MRPL46: variants seen among roughly 807,000 people sequenced by gnomAD.
MRPL46 encodes the protein large ribosomal subunit protein mL46.
Under a neutral mutation model 31.0 loss-of-function variants are expected in MRPL46, and 26 were observed. The observed-to-expected ratio is 0.84, with a 90% confidence interval of 0.61 to 1.16. MRPL46 has a LOEUF of 1.16. MRPL46 is among the 50% of genes most tolerant of loss of function. MRPL46 has a pLI of 0.00. For synonymous variants in MRPL46, 159 were observed against 141.3 expected, an observed-to-expected ratio of 1.13 and a Z score of -0.89; for missense variants, 395 against 340.0, an observed-to-expected ratio of 1.16 and a Z score of -1.27.
chr15:88,462,014 A>G (rs2142196085), intron 3 of MRPL46: 1 of 152,376 alleles, frequency 6.6e-6, no homozygotes, highest in Admixed American at 6.5e-5. Flanking sequence ...ATGCATCTGT[A>G]TATGCATAGA....
At chr15:88,465,942 A>G (rs2055525582) in intron 1 of MRPL46, among the ~76,000 whole-genome samples, 169 bp from the exon 2 acceptor site, 1 of 152,066 alleles carries the variant, frequency 6.6e-6, no homozygotes, top group African/African-American at 2.4e-5. Context: ...AAATGGAGGG[A>G]AAAAAAGGTC....
At chr15:88,465,168 A>C in intron 2 of MRPL46, 1 of 413,242 alleles carries the variant, frequency 2.4e-6, no homozygotes, top group Admixed American at 4.2e-5. Context: ...CAACTACTTC[A>C]TTGGTTTTGA....
chr15:88,461,501 A>G (rs2055477152), intron 3 of MRPL46: 1 of 152,262 alleles, frequency 6.6e-6, no homozygotes, highest in African/African-American at 2.4e-5. Context: ...TAAATACATT[A>G]AAAGGTGTTC....
In MRPL46 at chr15:88,459,556, T is replaced by C; in HGVS notation, c.*57A>G. The C allele has an allele frequency of 6.2e-7, 1 of 1,605,246 alleles. No homozygotes were observed. Among genetic ancestry groups the C allele is most frequent in the Admixed American group, 1.7e-5 (1 of 59,464 alleles). Reference sequence around the variant, plus strand: ...GCAAATGTGAGGCAATCACACAATGTCCTTGAGGCTCTAATCCCAGACTTG... The same window carrying C: ...GCAAATGTGAGGCAATCACACAATGCCCTTGAGGCTCTAATCCCAGACTTG... On this transcript the variant is annotated 3_prime_UTR_variant, in exon 4 of 4. Coordinates refer to ENST00000312475, the MANE Select transcript of MRPL46 (RefSeq NM_022163.4).
chr15:88,460,197 C>T (rs1429693231), intron 3 of MRPL46: 4 of 276,688 alleles, frequency 1.4e-5, no homozygotes, highest in Non-Finnish European at 2.7e-5. Flanking sequence ...GGCGAATCAG[C>T]CCAGTCGCTA....
chr15:88,464,096 G>C (rs956360758), intron 3 of MRPL46: 1 of 152,604 alleles, frequency 6.6e-6, no homozygotes, highest in Non-Finnish European at 1.5e-5. Context: ...TGCACTGGGG[G>C]TGGGGTCAGG....
At chr15:88,462,239 G>A (rs1403517388) in intron 3 of MRPL46, 2 of 151,658 alleles carry the variant, frequency 1.3e-5, no homozygotes, top group Non-Finnish European at 2.9e-5. Flanking sequence ...GTTAGCAGTG[G>A]GTATCTGTGA....
chr15:88,465,111 T>C (rs1262942767), intron 2 of MRPL46: 2 of 446,978 alleles, frequency 4.5e-6, no homozygotes, highest in Non-Finnish European at 7.8e-6. Flanking sequence ...CAGCAAACCA[T>C]ATTTTGAGTC....
intron 3 of MRPL46, chr15:88,462,845 T>C (rs1465862774): frequency 6.6e-6 from 1 of 152,220 alleles, no homozygotes; most frequent in Non-Finnish European, 1.5e-5. Context: ...TTTAGTAAAT[T>C]TGTAATAAGT....
At chr15:88,460,328 A>T (rs16941873) in intron 3 of MRPL46, 15,898 of 165,734 alleles carry the variant, frequency 0.096, 2,294 homozygotes, top group African/African-American at 0.33. Flanking sequence ...CTGGTGAAGG[A>T]CGAGGACATT....
chr15:88,460,647 G>T (rs1176710354), intron 3 of MRPL46: 2 of 152,176 alleles, frequency 1.3e-5, no homozygotes, highest in African/African-American at 2.4e-5. Flanking sequence ...ATAGATCAAA[G>T]ATTTAACAAT....
rs1337067881 is a variant in MRPL46, at chr15:88,464,786, T to C, written c.506A>G (p.Asp169Gly). ...CTCTGCCTGGGGCAGTATCCAAACA[T>C]CCTGGTCTCCAAACTTCTCTCTGAC... ...LLVREKFGDQ[D>G]VWILPQAEWQ... The change falls in exon 3 of 4, where the codon GAT (aspartate) becomes GGT (glycine). Residue 169 changes from aspartate to glycine, a missense_variant. By Grantham distance (94) the Asp-to-Gly change is moderately conservative. Transcript: ENST00000312475. 3 of 1,613,964 alleles carry C rather than the reference T, an allele frequency of 1.9e-6. No homozygotes were observed. Among genetic ancestry groups the C allele is most frequent in the Non-Finnish European group, 1.7e-6 (2 of 1,180,008 alleles).
intron 3 of MRPL46, chr15:88,460,075 C>G: frequency 1.7e-6 from 1 of 593,436 alleles, no homozygotes; most frequent in Non-Finnish European, 2.9e-6. Flanking sequence ...TCACCAGGCT[C>G]ACTCCCATGT....
chr15:88,464,607 C>G, intron 3 of MRPL46, 96 bp downstream of exon 3: 1 of 953,248 alleles, frequency 1.0e-6, no homozygotes, highest in Non-Finnish European at 1.5e-6. Flanking sequence ...AACCTTCCCA[C>G]CCCCACCCTT....
chr15:88,459,872 G>C lies in MRPL46; in HGVS notation c.590-9C>G. The C allele has an allele frequency of 6.2e-7, 1 of 1,613,380 alleles. No individual in the cohort carries two copies. The highest frequency in any genetic ancestry group is 8.5e-7 in the Non-Finnish European group (1 of 1,179,588). The stretch of plus-strand genomic sequence containing the variant: ...GGCTTCCATGTTGTTTTCTGAAGAG[G>C]GAGGAAAGAAAAATCACAATTGGAA... On this transcript the variant is annotated splice_polypyrimidine_tract_variant and intron_variant, in intron 3 of 3. Coordinates refer to ENST00000312475, the MANE Select transcript of MRPL46 (RefSeq NM_022163.4).
intron 3 of MRPL46, chr15:88,464,303 A>C: frequency 4.6e-6 from 1 of 215,610 alleles, no homozygotes; most frequent in Non-Finnish European, 9.1e-6. Context: ...TATTTAGAAC[A>C]GATCACGAGG....
At chr15:88,460,165 T>TTCAGCCCAGTCGCTAACTGCTGGCGAA (rs2055464431) in intron 3 of MRPL46, 1 of 350,422 alleles carries the variant, frequency 2.9e-6, no homozygotes, top group African/African-American at 2.2e-5. Context: ...AGTTCCTACA[T>TTCAGCCCAGTCGCTAACTGCTGGCGAA]TCAGCCCAGT....
chr15:88,465,466 G>A, intron 2 of MRPL46, 121 bp downstream of exon 2: 3 of 1,099,514 alleles, frequency 2.7e-6, no homozygotes, highest in Non-Finnish European at 2.5e-6. Context: ...GAGCAACAAA[G>A]AAAAGAATAT....
At chr15:88,465,253 T>C (rs986718425) in intron 2 of MRPL46, 1 of 420,324 alleles carries the variant, frequency 2.4e-6, no homozygotes, top group Non-Finnish European at 4.2e-6. Flanking sequence ...AAAACAGAAC[T>C]CAATCTCCCG....
Sources: allele counts gnomAD v4.1 joint callset (sites outside exome capture counted in the v4.1 genomes callset), GRCh38; gene constraint gnomAD v4.1.1; transcripts MANE v1.5; gene names NCBI Gene and HGNC (gene_info 2026-07-23, HGNC 2026-07-21).